Variants in RIN3 observed in about 807,000 individuals in gnomAD.
RIN3 encodes the protein RAB5 interacting protein 3.
RIN3 carries 54 observed loss-of-function variants against 76.3 expected under a neutral mutation model. That is an observed-to-expected ratio of 0.71 (90% CI 0.57 to 0.89). The LOEUF (loss-of-function observed/expected upper bound fraction) is 0.89, where lower values mean the gene tolerates loss of function less well. Among genes scored for constraint, RIN3 ranks in the 40% least tolerant of loss-of-function variants. RIN3 has a pLI of 0.00. For synonymous variants in RIN3, 576 were observed against 564.0 expected (o/e 1.02, Z -0.30); for missense variants, 1,256 against 1,322.1 (o/e 0.95, Z 0.78).
At chr14:92,545,367 C>T (rs1377764477) in intron 1 of RIN3, among the ~76,000 whole-genome samples, 1 of 151,954 alleles carries the variant, frequency 6.6e-6, no homozygotes, top group Non-Finnish European at 1.5e-5. Context: ...GCCTCGGCCT[C>T]CCAAAGTGCT....
At chr14:92,680,749 C>T (rs538146387) in intron 8 of RIN3, among the ~76,000 whole-genome samples, 3 of 152,364 alleles carry the variant, frequency 2.0e-5, no homozygotes, top group African/African-American at 7.2e-5. Flanking sequence ...GACAGAAAGC[C>T]TGCAAGTTGG....
chr14:92,595,055 A>G (rs1885106529), intron 3 of RIN3, among the ~76,000 whole-genome samples: 1 of 152,250 alleles, frequency 6.6e-6, no homozygotes, highest in African/African-American at 2.4e-5. Flanking sequence ...TGCTGCATTC[A>G]TTGATAACAT....
At position 92,659,200 on chromosome 14, in the gene RIN3, AG is replaced by A. The variant is rs1887785362; in HGVS notation, c.2067del (p.Lys689AsnfsTer3). The A allele has an allele frequency of 6.2e-7, 1 of 1,614,194 alleles. No individual in the cohort carries two copies. The highest frequency in any genetic ancestry group is 2.2e-5 in the East Asian group (1 of 44,890). ...VESALYKCVL[K>X]PLKEAINSCL... Reference sequence around the variant, plus strand: ...TCTGCCTTGTACAAATGTGTCCTGAAGCCCCTGAAGGAAGCCATCAACTCAT... The same window carrying A: ...TCTGCCTTGTACAAATGTGTCCTGAACCCCTGAAGGAAGCCATCAACTCAT... On this transcript the variant is annotated frameshift_variant, in exon 7 of 10. Transcript: ENST00000216487. LOFTEE classifies it high-confidence loss of function.
intron 7 of RIN3, among the ~76,000 whole-genome samples, chr14:92,662,626 A>T (rs996421985): frequency 3.3e-5 from 5 of 152,178 alleles, no homozygotes; most frequent in African/African-American, 1.2e-4. Context: ...TGAATTTCTA[A>T]TTAGGGAAAT....
intron 1 of RIN3, among the ~76,000 whole-genome samples, chr14:92,516,773 T>G (rs7154465): frequency 0.52 from 79,722 of 152,014 alleles, 23,067 homozygotes; most frequent in Middle Eastern, 0.73. Context: ...CCCTCTATCC[T>G]GGCCCTGGGT....
At position 92,576,455 on chromosome 14, in the gene RIN3, C is replaced by G. The variant is rs530220865; in HGVS notation, c.250-905C>G. 1.8e-4 allele frequency: 226 copies of G among 1,256,676 alleles called. 1 individual carries two copies. In the South Asian group the frequency reaches 2.6e-3, roughly 15 times the overall value. The allele number at this position is 1,256,676 out of a possible 1,614,324, so 77.8% of individuals were successfully genotyped here. ...CATGGTTTTATCAGAAGAGAGTAAA[C>G]CTACAGCAGAAGCAAGTCTTCCTGC... On this transcript the variant is annotated intron_variant, in intron 2 of 9. Transcript: ENST00000216487.
intron 3 of RIN3, among the ~76,000 whole-genome samples, chr14:92,600,761 G>A (rs1723910173): frequency 6.6e-6 from 1 of 152,222 alleles, no homozygotes. Flanking sequence ...CTGAAACACG[G>A]CATTGTTGGC....
At chr14:92,678,221 C>T (rs1340065468) in intron 8 of RIN3, among the ~76,000 whole-genome samples, 2 of 149,212 alleles carry the variant, frequency 1.3e-5, no homozygotes, top group African/African-American at 2.5e-5. Context: ...CATTCACCCA[C>T]CCATCCATCC....
At chr14:92,634,175 A>C (rs1886692657) in intron 4 of RIN3, among the ~76,000 whole-genome samples, 1 of 150,006 alleles carries the variant, frequency 6.7e-6, no homozygotes, top group African/African-American at 2.5e-5. Flanking sequence ...CCTGGGTTCA[A>C]GCAATTCTCC....
At chr14:92,543,367 C>T (rs1490266429) in intron 1 of RIN3, among the ~76,000 whole-genome samples, 2 of 152,208 alleles carry the variant, frequency 1.3e-5, no homozygotes, top group South Asian at 2.1e-4. Context: ...AATTGCTTCT[C>T]GGAATGGGTT....
chr14:92,543,482 T>C (rs1897171686), intron 1 of RIN3, among the ~76,000 whole-genome samples: 1 of 152,128 alleles, frequency 6.6e-6, no homozygotes, highest in South Asian at 2.1e-4. Context: ...GGTTAGGCTC[T>C]CAAAAGCCTA....
chr14:92,665,646 G>A (rs1888067501), intron 7 of RIN3, among the ~76,000 whole-genome samples: 3 of 152,054 alleles, frequency 2.0e-5, no homozygotes, highest in South Asian at 4.1e-4. Context: ...CTCTCAAAGT[G>A]CTGGGATTAC....
At chr14:92,628,507 C>G (rs530672172) in intron 4 of RIN3, among the ~76,000 whole-genome samples, 12 of 152,318 alleles carry the variant, frequency 7.9e-5, no homozygotes, top group African/African-American at 1.4e-4. Flanking sequence ...GCGCCACTTT[C>G]CATGTGTTCC....
intron 1 of RIN3, among the ~76,000 whole-genome samples, chr14:92,555,550 C>T (rs1897552314): frequency 6.6e-6 from 1 of 152,162 alleles, no homozygotes; most frequent in South Asian, 2.1e-4. Context: ...GCCTCACATC[C>T]TGGGTCGGGT....
At chr14:92,672,797 C>T (rs1037497388) in intron 7 of RIN3, among the ~76,000 whole-genome samples, 4 of 152,060 alleles carry the variant, frequency 2.6e-5, no homozygotes, top group Admixed American at 2.0e-4. Flanking sequence ...AAAAGAAACT[C>T]GGTACCCATT....
At position 92,656,248 on chromosome 14, in the gene RIN3, C is replaced by T. The variant is rs1307549944; in HGVS notation, c.2027-2913C>T. On this transcript the variant is annotated intron_variant, in intron 6 of 9. Coordinates refer to ENST00000216487, the MANE Select transcript of RIN3 (RefSeq NM_024832.5). The surrounding 1 kb of genome is among the most constrained non-coding windows in gnomAD (Gnocchi z 5.2). ...CTTTCCTTCCGGAAAGGGATGACAG[C>T]GTGGACAAAGGCCGAGAGGTGGGGA... Among the ~76,000 whole-genome samples the T allele has an allele frequency of 6.6e-6, 1 of 152,106 alleles. No individual in the cohort carries two copies. The highest frequency in any genetic ancestry group is 2.4e-5 in the African/African-American group (1 of 41,408).
chr14:92,544,874 C>T (rs373309662), intron 1 of RIN3, among the ~76,000 whole-genome samples: 1 of 152,062 alleles, frequency 6.6e-6, no homozygotes, highest in Admixed American at 6.6e-5. Flanking sequence ...CTGGTTGAAA[C>T]CTCCTTCGCA....
At chr14:92,607,112 C>T (rs921326062) in intron 3 of RIN3, among the ~76,000 whole-genome samples, 2 of 152,158 alleles carry the variant, frequency 1.3e-5, no homozygotes, top group African/African-American at 4.8e-5. Context: ...AGACATTTCA[C>T]CAAACAGGAT....
intron 4 of RIN3, among the ~76,000 whole-genome samples, chr14:92,639,031 G>A (rs549108368): frequency 2.0e-5 from 3 of 152,360 alleles, no homozygotes; most frequent in East Asian, 1.9e-4. Flanking sequence ...CATCCCAGGC[G>A]GTCTCTGCTC....
Sources: allele counts gnomAD v4.1 joint callset (sites outside exome capture counted in the v4.1 genomes callset), GRCh38; gene constraint gnomAD v4.1.1; non-coding constraint Gnocchi (gnomAD v3.1); transcripts MANE v1.5; gene names NCBI Gene and HGNC (gene_info 2026-07-23, HGNC 2026-07-21).